The following RALGPS2 variants were observed in gnomAD, a reference collection of about 807,000 sequenced individuals.
RALGPS2 encodes ras-specific guanine nucleotide-releasing factor RalGPS2.
Under a neutral mutation model 86.8 loss-of-function variants are expected in RALGPS2, and 43 were observed. That is an observed-to-expected ratio of 0.50 (90% CI 0.39 to 0.64). The LOEUF is 0.64. Ranked by LOEUF, RALGPS2 falls within the 30% of genes least tolerant of loss-of-function variation. The probability of loss-of-function intolerance (pLI) is 0.00; values close to 1 mark genes in which losing one functional copy is unlikely to be tolerated. For synonymous variants in RALGPS2, 243 were observed against 231.3 expected, an observed-to-expected ratio of 1.05 and a Z score of -0.46; for missense variants, 536 against 694.6, an observed-to-expected ratio of 0.77 and a Z score of 2.57.
chr1:178,822,057 G>A (rs1431369363), intron 7 of RALGPS2, among the ~76,000 whole-genome samples: 2 of 152,026 alleles, frequency 1.3e-5, no homozygotes, highest in African/African-American at 4.8e-5. Flanking sequence ...GAAAGTTTGA[G>A]GCATATCTGA....
At chr1:178,845,965 A>G (rs1380824521) in intron 8 of RALGPS2, among the ~76,000 whole-genome samples, 3 of 152,200 alleles carry the variant, frequency 2.0e-5, no homozygotes, top group African/African-American at 7.2e-5. Flanking sequence ...TTTAAAGCAT[A>G]CCTAAAATGA....
chr1:178,729,832 T>C (rs1650234530), intron 1 of RALGPS2, among the ~76,000 whole-genome samples: 1 of 152,246 alleles, frequency 6.6e-6, no homozygotes, highest in African/African-American at 2.4e-5. Flanking sequence ...CTCATGTCTT[T>C]ATGACTTTCC....
intron 6 of RALGPS2, among the ~76,000 whole-genome samples, chr1:178,820,580 CT>C (rs1655449372): frequency 6.6e-6 from 1 of 152,124 alleles, no homozygotes; most frequent in Admixed American, 6.5e-5. Context: ...CCTATATATA[CT>C]TTTATTTATA....
At chr1:178,863,387 C>CATATAT (rs3835496) in intron 8 of RALGPS2, among the ~76,000 whole-genome samples, 1 of 151,854 alleles carries the variant, frequency 6.6e-6, no homozygotes, top group African/African-American at 2.4e-5. Flanking sequence ...AGGAGACAGA[C>CATATAT]ATAAATAAAT....
At chr1:178,774,430 C>A (rs983435555) in intron 1 of RALGPS2, among the ~76,000 whole-genome samples, 1 of 151,974 alleles carries the variant, frequency 6.6e-6, no homozygotes, top group Admixed American at 6.6e-5. Flanking sequence ...ACTCCTTTAC[C>A]TATTAAATTA....
chr1:178,772,911 C>T (rs565536228), intron 1 of RALGPS2, among the ~76,000 whole-genome samples: 2 of 152,258 alleles, frequency 1.3e-5, no homozygotes, highest in South Asian at 2.1e-4. Context: ...AAGCGATTCT[C>T]CTACCTCAGC....
At chr1:178,860,120 C>G (rs35702974) in intron 8 of RALGPS2, among the ~76,000 whole-genome samples, 33,611 of 152,002 alleles carry the variant, frequency 0.22, 4,786 homozygotes, top group Non-Finnish European at 0.32. Flanking sequence ...AAGGAACTTT[C>G]TCCACTCAGC....
intron 1 of RALGPS2, among the ~76,000 whole-genome samples, chr1:178,755,846 T>A (rs1428758748): frequency 6.6e-6 from 1 of 152,118 alleles, no homozygotes; most frequent in Non-Finnish European, 1.5e-5. Context: ...GCCTCCAACA[T>A]CTCTTATTTC....
At chr1:178,827,918 A>G (rs1655829680) in intron 7 of RALGPS2, among the ~76,000 whole-genome samples, 3 of 152,216 alleles carry the variant, frequency 2.0e-5, no homozygotes. Context: ...CGCATGCAAA[A>G]GAATGAAACT....
intron 1 of RALGPS2, among the ~76,000 whole-genome samples, chr1:178,762,513 A>G (rs564040057): frequency 6.6e-6 from 1 of 152,192 alleles, no homozygotes; most frequent in Non-Finnish European, 1.5e-5. Context: ...CCTTGCCAGC[A>G]TCTGTTATTT....
At chr1:178,737,171 T>A (rs1261032887) in intron 1 of RALGPS2, among the ~76,000 whole-genome samples, 3 of 152,226 alleles carry the variant, frequency 2.0e-5, no homozygotes, top group African/African-American at 7.2e-5. Flanking sequence ...TTAAGAGGCA[T>A]CTTAATTTCA....
chr1:178,767,625 C>T (rs898131400), intron 1 of RALGPS2, among the ~76,000 whole-genome samples: 11 of 152,198 alleles, frequency 7.2e-5, no homozygotes, highest in Non-Finnish European at 1.5e-4. Flanking sequence ...AGGGTTGTGC[C>T]TGCCTACGGA....
intron 1 of RALGPS2, among the ~76,000 whole-genome samples, chr1:178,731,759 T>C (rs576389585): frequency 6.6e-6 from 1 of 152,282 alleles, no homozygotes; most frequent in South Asian, 2.1e-4. Flanking sequence ...TAGTGGGCGC[T>C]TTCAACCAGC....
chr1:178,826,099 G>T (rs1655731999), intron 7 of RALGPS2, among the ~76,000 whole-genome samples: 1 of 152,112 alleles, frequency 6.6e-6, no homozygotes, highest in Admixed American at 6.6e-5. Context: ...AAAGGTTTGG[G>T]ATGGTTTTGT....
At chr1:178,799,492 C>T (rs531748130) in intron 4 of RALGPS2, among the ~76,000 whole-genome samples, 1 of 152,104 alleles carries the variant, frequency 6.6e-6, no homozygotes, top group Admixed American at 6.6e-5. Context: ...GGTTTATGAT[C>T]AGGACTGCCC....
intron 13 of RALGPS2, 143 bp from the exon 14 acceptor site, chr1:178,889,499 T>A: frequency 1.6e-6 from 1 of 614,188 alleles, no homozygotes; most frequent in Non-Finnish European, 2.9e-6. Flanking sequence ...AATATTAGAA[T>A]AAAGAATTAA....
Position 178,851,024 on chromosome 1 carries a change from C to G in RALGPS2, c.607+17474C>G, listed in dbSNP as rs1544124. Reference sequence around the variant, plus strand: ...CGGTAAAATTCATTTTAAAAACTTTCTGTGTAGAAATAAATTGTGCCAAGT... The same window carrying G: ...CGGTAAAATTCATTTTAAAAACTTTGTGTGTAGAAATAAATTGTGCCAAGT... On this transcript the variant is annotated intron_variant, in intron 8 of 19. Coordinates refer to ENST00000367635, the MANE Select transcript of RALGPS2 (RefSeq NM_152663.5). 3.9e-5 allele frequency: 42 copies of G among 1,081,710 alleles called. 2 individuals carry two copies. The highest frequency in any genetic ancestry group is 1.8e-4 in the South Asian group (7 of 38,432). The allele number at this position is 1,081,710 out of a possible 1,614,324, so 67.0% of individuals were successfully genotyped here.
intron 8 of RALGPS2, among the ~76,000 whole-genome samples, chr1:178,834,808 C>T (rs937419088): frequency 1.3e-5 from 2 of 152,192 alleles, no homozygotes; most frequent in Non-Finnish European, 1.5e-5. Flanking sequence ...GAGACAGCCT[C>T]GCTCTGTTTC....
intron 1 of RALGPS2, among the ~76,000 whole-genome samples, chr1:178,742,362 G>A (rs1651084827): frequency 6.6e-6 from 1 of 152,100 alleles, no homozygotes; most frequent in Non-Finnish European, 1.5e-5. Flanking sequence ...CAGGGATAAA[G>A]GATGTCATTA....
Sources: gnomAD v4.1 joint callset for allele counts (sites outside exome capture counted in the v4.1 genomes callset) on GRCh38, gnomAD v4.1.1 for gene constraint, MANE v1.5 for transcripts, NCBI Gene and HGNC (gene_info 2026-07-23, HGNC 2026-07-21) for gene names.